The following CBLB variants were observed in gnomAD, a reference collection of about 807,000 sequenced individuals.
CBLB encodes the protein Cbl proto-oncogene B, also known as E3 ubiquitin-protein ligase CBL-B.
In CBLB, 31 loss-of-function variants were observed where a neutral mutation model predicts 104.9. The ratio of observed to expected loss-of-function variants is 0.30; its 90% CI spans 0.22 to 0.40. The LOEUF (loss-of-function observed/expected upper bound fraction) is 0.40. Ranked by LOEUF, CBLB falls within the 10% of genes least tolerant of loss-of-function variation. CBLB has a pLI of 1.00. For missense variants in CBLB, 1,062 were observed against 1,214.6 expected (o/e 0.87, Z 1.87); for synonymous variants, 440 against 422.6 (o/e 1.04, Z -0.51).
chr3:105,857,829 TG>T (rs1167326551), intron 2 of CBLB, among the ~76,000 whole-genome samples: 1 of 152,108 alleles, frequency 6.6e-6, no homozygotes. Flanking sequence ...TGGGAAAGAC[TG>T]GTGGCTTAGG....
chr3:105,739,040 G>A (rs886877639), intron 7 of CBLB, among the ~76,000 whole-genome samples: 6 of 151,960 alleles, frequency 3.9e-5, no homozygotes, highest in Non-Finnish European at 7.4e-5. Flanking sequence ...CCAGAGTAGC[G>A]AGGACTACCG....
At chr3:105,737,123 G>T in intron 8 of CBLB, 48 bp downstream of exon 8, 1 of 909,826 alleles carries the variant, frequency 1.1e-6, no homozygotes, top group Non-Finnish European at 1.8e-6. Flanking sequence ...TATTTCAAGG[G>T]CATTATGGAT....
chr3:105,869,022 C>T (rs1166902996), upstream of CBLB: 8 of 1,004,140 alleles, frequency 8.0e-6, no homozygotes, highest in African/African-American at 1.3e-4. Flanking sequence ...CACCCCACCC[C>T]TGTGGCACAC....
At chr3:105,666,676 A>T (rs2064502066) in intron 18 of CBLB, among the ~76,000 whole-genome samples, 1 of 152,056 alleles carries the variant, frequency 6.6e-6, no homozygotes, top group Non-Finnish European at 1.5e-5. Flanking sequence ...ACAGAGCGAG[A>T]CTCCATCTCA....
At chr3:105,721,919 T>A (rs1343489997) in intron 9 of CBLB, among the ~76,000 whole-genome samples, 1 of 151,986 alleles carries the variant, frequency 6.6e-6, no homozygotes, top group Non-Finnish European at 1.5e-5. Flanking sequence ...CCATATTAGG[T>A]GCCTATAGTG....
chr3:105,821,825 G>A (rs1188569693), intron 3 of CBLB, among the ~76,000 whole-genome samples: 2 of 152,120 alleles, frequency 1.3e-5, no homozygotes, highest in East Asian at 3.8e-4. Flanking sequence ...GGAAGAAACA[G>A]CTTCTTATTT....
chr3:105,756,064 A>G (rs963623419), intron 4 of CBLB, among the ~76,000 whole-genome samples: 15 of 152,272 alleles, frequency 9.9e-5, no homozygotes, highest in Non-Finnish European at 4.4e-5. Context: ...TCAAAAATAT[A>G]TTTTCTGTAT....
At chr3:105,744,069 C>T (rs2075877826) in intron 6 of CBLB, among the ~76,000 whole-genome samples, 2 of 152,016 alleles carry the variant, frequency 1.3e-5, no homozygotes, top group South Asian at 4.1e-4. Flanking sequence ...TTATGATATT[C>T]TTATCAGAGG....
chr3:105,801,456 A>C (rs970280301), intron 3 of CBLB, among the ~76,000 whole-genome samples: 1 of 152,252 alleles, frequency 6.6e-6, no homozygotes, highest in African/African-American at 2.4e-5. Context: ...GTAATCCTCT[A>C]ACAAATGGCT....
At chr3:105,723,726 C>G (rs2073205637) in intron 9 of CBLB, among the ~76,000 whole-genome samples, 1 of 152,026 alleles carries the variant, frequency 6.6e-6, no homozygotes, top group African/African-American at 2.4e-5. Flanking sequence ...ACCTTCCATA[C>G]TTTGTTTAAA....
intron 10 of CBLB, among the ~76,000 whole-genome samples, chr3:105,714,522 C>T (rs1254349205): frequency 7.9e-5 from 12 of 152,142 alleles, no homozygotes; most frequent in Non-Finnish European, 1.8e-4. Flanking sequence ...AGCGCACAAC[C>T]TAGAACCCTC....
chr3:105,846,135 A>G (rs972156117), intron 3 of CBLB, among the ~76,000 whole-genome samples: 4 of 152,094 alleles, frequency 2.6e-5, no homozygotes, highest in African/African-American at 9.6e-5. Flanking sequence ...GTATATGTTT[A>G]TATCAAAATA....
At chr3:105,693,262 C>G (rs981715622) in intron 13 of CBLB, among the ~76,000 whole-genome samples, 29 of 152,042 alleles carry the variant, frequency 1.9e-4, no homozygotes, top group African/African-American at 6.5e-4. Flanking sequence ...CTTTCTCTCC[C>G]TGTTGCTCTA....
At chr3:105,687,846 AT>A (rs1233379038) in intron 13 of CBLB, among the ~76,000 whole-genome samples, 9 of 151,930 alleles carry the variant, frequency 5.9e-5, no homozygotes, top group African/African-American at 2.2e-4. Flanking sequence ...ATCAAAAAAA[AT>A]AACAGAAGAG....
At chr3:105,824,555 C>T (rs140311645) in intron 3 of CBLB, among the ~76,000 whole-genome samples, 1 of 152,178 alleles carries the variant, frequency 6.6e-6, no homozygotes, top group African/African-American at 2.4e-5. Flanking sequence ...CTGACTTTAG[C>T]GAATTGCAAT....
chr3:105,834,995 T>C (rs1034891248), intron 3 of CBLB, among the ~76,000 whole-genome samples: 1 of 152,178 alleles, frequency 6.6e-6, no homozygotes, highest in Admixed American at 6.5e-5. Flanking sequence ...TATGTAACAT[T>C]TTGCAACTAC....
rs1343214918 is a variant in CBLB at position 105,670,337 on chromosome 3, A to C, written c.2585T>G (p.Leu862Arg). Residue 862 changes from leucine to arginine, a missense_variant, in exon 18 of 19, where the codon CTA becomes CGA. Physicochemically the swap from Leu to Arg is moderately radical, Grantham distance 102. This residue lies in a region of CBLB where 605 missense variants were observed against 582.6 expected (regional missense o/e 1.04). Coordinates refer to ENST00000394030, the MANE Select transcript of CBLB (RefSeq NM_170662.5). ...AGGCAAAGGAACTTGGCCACTTGCT[A>C]GATCAACAAAGGGATCTTAAAAATA... is the stretch of plus-strand genomic sequence containing the variant. ...FLLPSDPFVD[L>R]ASGQVPLPPA... 3.7e-6 allele frequency: 6 copies of C among 1,611,274 alleles called. No individual in the cohort carries two copies. In the South Asian group the frequency reaches 6.6e-5, roughly 18 times the overall value.
chr3:105,699,494 A>G (rs561487144), intron 12 of CBLB, among the ~76,000 whole-genome samples: 1 of 152,320 alleles, frequency 6.6e-6, no homozygotes, highest in African/African-American at 2.4e-5. Context: ...AGTATATTCT[A>G]GAGCAAAAAG....
At chr3:105,662,246 C>T (rs1242448276) in intron 18 of CBLB, among the ~76,000 whole-genome samples, 1 of 152,136 alleles carries the variant, frequency 6.6e-6, no homozygotes, top group African/African-American at 2.4e-5. Flanking sequence ...TGGATTACAC[C>T]AGGTCCTCAT....
Sources: allele counts gnomAD v4.1 joint callset (sites outside exome capture counted in the v4.1 genomes callset), GRCh38; gene constraint gnomAD v4.1.1; regional missense constraint gnomAD v4.1.1; transcripts MANE v1.5; gene names NCBI Gene and HGNC (gene_info 2026-07-23, HGNC 2026-07-21).